The following NIPAL2 variants were observed in gnomAD, a reference collection of about 807,000 sequenced individuals.
NIPAL2 encodes the protein NIPA like domain containing 2, also known as NIPA-like protein 2.
NIPAL2 carries 43 observed loss-of-function variants against 48.9 expected under a neutral mutation model. The ratio of observed to expected loss-of-function variants is 0.88; its 90% CI spans 0.69 to 1.13. The LOEUF is 1.13. Among genes scored for constraint, NIPAL2 ranks in the 50% most tolerant of loss-of-function variants. The pLI, the probability that NIPAL2 is intolerant of heterozygous loss-of-function variation, is 0.00. For missense variants in NIPAL2, 446 were observed against 461.4 expected (o/e 0.97, Z 0.31); for synonymous variants, 167 against 174.6 (o/e 0.96, Z 0.34).
intron 2 of NIPAL2, among the ~76,000 whole-genome samples, chr8:98,252,906 T>C (rs1813673116): frequency 6.6e-6 from 1 of 152,168 alleles, no homozygotes; most frequent in South Asian, 2.1e-4. Flanking sequence ...AAATATTAGA[T>C]GGAAAATTCC....
At chr8:98,245,250 T>A (rs1813250036) in intron 3 of NIPAL2, among the ~76,000 whole-genome samples, 1 of 152,082 alleles carries the variant, frequency 6.6e-6, no homozygotes, top group South Asian at 2.1e-4. Flanking sequence ...ACAGGCAGAG[T>A]CAACTCTAAC....
intron 3 of NIPAL2, 115 bp downstream of exon 3, chr8:98,252,348 T>C: frequency 1.0e-6 from 1 of 990,034 alleles, no homozygotes; most frequent in Non-Finnish European, 1.4e-6. Flanking sequence ...GTTAACGTGA[T>C]AAGAAACCAG....
chr8:98,286,828 A>AAC (rs1563559930), intron 1 of NIPAL2, among the ~76,000 whole-genome samples: 2 of 149,508 alleles, frequency 1.3e-5, no homozygotes, highest in African/African-American at 2.5e-5. Context: ...AAAAAAAAAA[A>AAC]AAAAAACCAA....
intron 10 of NIPAL2, among the ~76,000 whole-genome samples, chr8:98,194,016 C>T (rs1810426021): frequency 6.6e-6 from 1 of 152,160 alleles, no homozygotes; most frequent in Non-Finnish European, 1.5e-5. Flanking sequence ...TTTTGCTTCA[C>T]AGGCATGGTG....
intron 3 of NIPAL2, chr8:98,252,084 G>T: frequency 6.2e-6 from 1 of 161,330 alleles, no homozygotes; most frequent in Non-Finnish European, 1.3e-5. Flanking sequence ...ATGAAGTCAA[G>T]ACCAGGCATC....
Position 98,258,989 on chromosome 8 carries a change from A to G in NIPAL2, c.136-4902T>C, listed in dbSNP as rs536593688. The stretch of plus-strand genomic sequence containing the variant: ...TTGGCAATAATTTCTTGGCTATGAC[A>G]CCAAATACACAGGCCACAAAATAAA... On this transcript the variant is annotated intron_variant, in intron 1 of 10. Transcript: ENST00000430223. Among the ~76,000 whole-genome samples, 4 of 151,732 alleles carry G rather than the reference A, an allele frequency of 2.6e-5. No individual in the cohort carries two copies. In the East Asian group the frequency reaches 7.7e-4, roughly 29 times the overall value.
intron 3 of NIPAL2, among the ~76,000 whole-genome samples, chr8:98,245,236 G>A (rs1461310462): frequency 6.6e-6 from 1 of 152,210 alleles, no homozygotes; most frequent in Non-Finnish European, 1.5e-5. Flanking sequence ...CATCGAGCGT[G>A]CTCACAGGCA....
chr8:98,220,747 G>A (rs186057016), intron 5 of NIPAL2, among the ~76,000 whole-genome samples: 10 of 151,990 alleles, frequency 6.6e-5, no homozygotes, highest in East Asian at 1.9e-4. Flanking sequence ...TTACCAAACC[G>A]GTTCTTGGTT....
At chr8:98,226,781 C>T (rs959112923) in intron 4 of NIPAL2, among the ~76,000 whole-genome samples, 5 of 152,038 alleles carry the variant, frequency 3.3e-5, no homozygotes, top group African/African-American at 7.2e-5. Context: ...TGCCTATGTT[C>T]GCTCAAGGCC....
chr8:98,193,861 G>A (rs1810416849), intron 10 of NIPAL2, among the ~76,000 whole-genome samples: 1 of 151,920 alleles, frequency 6.6e-6, no homozygotes, highest in African/African-American at 2.4e-5. Flanking sequence ...ACCATATAAG[G>A]CTTCTATCAC....
chr8:98,229,919 T>C (rs1412087565), intron 4 of NIPAL2, among the ~76,000 whole-genome samples: 3 of 152,208 alleles, frequency 2.0e-5, no homozygotes, highest in Non-Finnish European at 4.4e-5. Flanking sequence ...CAACTTATAC[T>C]ACACATAAGT....
chr8:98,208,334 C>T (rs1811140904), intron 6 of NIPAL2, among the ~76,000 whole-genome samples: 1 of 152,158 alleles, frequency 6.6e-6, no homozygotes, highest in East Asian at 1.9e-4. Context: ...ATCAACATTT[C>T]CTTATGAGAG....
At chr8:98,288,618 T>TG (rs1365221739) in intron 1 of NIPAL2, among the ~76,000 whole-genome samples, 1 of 150,622 alleles carries the variant, frequency 6.6e-6, no homozygotes, top group Non-Finnish European at 1.5e-5. Flanking sequence ...ATCGCCACAC[T>TG]GACTTCCACA....
chr8:98,265,858 G>A lies in NIPAL2; in HGVS notation c.136-11771C>T, dbSNP rs867034498. On this transcript the variant is annotated intron_variant, in intron 1 of 10. Transcript: ENST00000430223. ...GTATGTTTATTGCGGCATTATTCACGATAGCAAAGACTTGGAATCAACCCA... is the reference window on the plus strand; with the variant it reads ...GTATGTTTATTGCGGCATTATTCACAATAGCAAAGACTTGGAATCAACCCA... Among the ~76,000 whole-genome samples, 1,398 of 149,300 alleles carry A rather than the reference G, an allele frequency of 9.4e-3. 15 individuals are homozygous for A. Among genetic ancestry groups the A allele is most frequent in the African/African-American group, 0.032 (1,266 of 39,152 alleles).
intron 1 of NIPAL2, among the ~76,000 whole-genome samples, chr8:98,256,588 C>T (rs1199389586): frequency 6.6e-6 from 1 of 151,610 alleles, no homozygotes; most frequent in Non-Finnish European, 1.5e-5. Flanking sequence ...CAAATCAAAA[C>T]CACAGTGAGT....
chr8:98,222,400 T>C, intron 5 of NIPAL2, 79 bp downstream of exon 5: 1 of 1,415,476 alleles, frequency 7.1e-7, no homozygotes, highest in East Asian at 2.4e-5. Context: ...AAGGAAAAGA[T>C]TATGTTCTCT....
intron 3 of NIPAL2, among the ~76,000 whole-genome samples, chr8:98,242,358 A>T (rs1290948742): frequency 6.6e-6 from 1 of 151,646 alleles, no homozygotes; most frequent in Admixed American, 6.6e-5. Flanking sequence ...GCTAGTTTTT[A>T]ATTTTTTTTG....
In NIPAL2 at chr8:98,203,149, G is replaced by A; in HGVS notation, c.839C>T (p.Pro280Leu). The change falls in exon 8 of 11, where the codon CCA becomes CTA. Residue 280 changes from proline to leucine, a missense_variant. By Grantham distance (98) the Pro-to-Leu change is moderately conservative. Coordinates refer to ENST00000430223, the MANE Select transcript of NIPAL2 (RefSeq NM_001321635.2). The part of the protein sequence containing the change: ...TKLYNTTTVV[P>L]VNHIFFTISA... The stretch of plus-strand genomic sequence containing the variant: ...GATTGTAAAGAAAATATGATTAACT[G>A]GCACCACTGTTGTCGTATTGTAGAG... 1 of 1,614,084 alleles carries A rather than the reference G, an allele frequency of 6.2e-7. No individual in the cohort carries two copies. Among genetic ancestry groups the A allele is most frequent in the Non-Finnish European group, 8.5e-7 (1 of 1,179,968 alleles).
intron 4 of NIPAL2, among the ~76,000 whole-genome samples, chr8:98,233,727 T>C (rs1335076292): frequency 6.6e-6 from 1 of 152,256 alleles, no homozygotes; most frequent in Non-Finnish European, 1.5e-5. Flanking sequence ...AAACTGTACA[T>C]ATTGATATTT....
Sources: gnomAD v4.1 joint callset for allele counts (sites outside exome capture counted in the v4.1 genomes callset) on GRCh38, gnomAD v4.1.1 for gene constraint, MANE v1.5 for transcripts, NCBI Gene and HGNC (gene_info 2026-07-23, HGNC 2026-07-21) for gene names.